The following ADAMTS18 variants were observed in gnomAD, a reference collection of about 807,000 sequenced individuals.
The protein encoded by ADAMTS18 is A disintegrin and metalloproteinase with thrombospondin motifs 18.
A neutral mutation model predicts 165.9 loss-of-function variants in ADAMTS18; 157 were observed. The ratio of observed to expected loss-of-function variants is 0.95; its 90% CI spans 0.83 to 1.08. The LOEUF is 1.08. ADAMTS18 is among the 50% of genes least tolerant of loss of function. The probability of loss-of-function intolerance (pLI) is 0.00; values close to 1 mark genes in which losing one functional copy is unlikely to be tolerated. For synonymous variants in ADAMTS18, 782 were observed against 578.2 expected (o/e 1.35, Z -5.06); for missense variants, 2,040 against 1,534.0 (o/e 1.33, Z -5.51).
In ADAMTS18 at chr16:77,324,344, T is replaced by C. The variant is rs546771170; in HGVS notation, c.2032+1522A>G. ...CATGCTTCCTACGAAATCACTCAGC[T>C]CCTGGTAGAATGCCTCTAGTGATGG... On this transcript the variant is annotated intron_variant, in intron 13 of 22. Coordinates refer to ENST00000282849, the MANE Select transcript of ADAMTS18 (RefSeq NM_199355.4). 1.5e-4 allele frequency among the ~76,000 whole-genome samples: 23 copies of C among 152,340 alleles called. No homozygotes were observed. In the South Asian group the frequency reaches 4.6e-3, roughly 30 times the overall value.
chr16:77,333,576 CA>C (rs1176524973), intron 12 of ADAMTS18, among the ~76,000 whole-genome samples: 3 of 150,434 alleles, frequency 2.0e-5, no homozygotes, highest in Non-Finnish European at 4.4e-5. Flanking sequence ...AAAGCCATCC[CA>C]AAAAAATCCC....
At chr16:77,288,372 C>T (rs1567452836) in intron 22 of ADAMTS18, among the ~76,000 whole-genome samples, 1 of 151,366 alleles carries the variant, frequency 6.6e-6, no homozygotes, top group Non-Finnish European at 1.5e-5. Context: ...CTAGGATGAT[C>T]TGGCTCTGAG....
At position 77,416,536 on chromosome 16, in the gene ADAMTS18, T is replaced by A. The variant is rs139671766; in HGVS notation, c.495+14759A>T. Among the ~76,000 whole-genome samples, 269 of 152,276 alleles carry A rather than the reference T, an allele frequency of 1.8e-3. 2 individuals are homozygous for A. The highest frequency in any genetic ancestry group is 6.4e-3 in the African/African-American group (264 of 41,556). ...ATGGTTTTATAAATGGGAGTTCCCCTGCACAAGCTCTCTTGCCTGCCACCA... is the reference window on the plus strand; with the variant it reads ...ATGGTTTTATAAATGGGAGTTCCCCAGCACAAGCTCTCTTGCCTGCCACCA... On this transcript the variant is annotated intron_variant, in intron 3 of 22. Coordinates refer to ENST00000282849, the MANE Select transcript of ADAMTS18 (RefSeq NM_199355.4).
At chr16:77,293,707 G>C (rs2055412518) in intron 19 of ADAMTS18, among the ~76,000 whole-genome samples, 1 of 150,358 alleles carries the variant, frequency 6.7e-6, no homozygotes, top group South Asian at 2.1e-4. Context: ...GTGCTTTGGG[G>C]ATAAAACTGT....
chr16:77,344,581 C>A (rs2056447997), intron 10 of ADAMTS18, among the ~76,000 whole-genome samples: 1 of 152,090 alleles, frequency 6.6e-6, no homozygotes, highest in Non-Finnish European at 1.5e-5. Flanking sequence ...TTTCTTCTTA[C>A]AGCCAGGAAA....
chr16:77,431,598 G>A lies in ADAMTS18; in HGVS notation c.192C>T (p.Val64=). Reference sequence around the variant, plus strand: ...CGGCTGAGTCTACTTCTACTGGCGTGACAAAGACGTAATCTGCAATGGGAA... The same window carrying A: ...CGGCTGAGTCTACTTCTACTGGCGTAACAAAGACGTAATCTGCAATGGGAA... The part of the protein sequence containing the change: ...ASGLNDDYVF[V]TPVEVDSAGS... The change falls in exon 3 of 23, where the codon GTC becomes GTT. Residue 64 remains valine, a synonymous_variant. Transcript: ENST00000282849. 6.2e-7 allele frequency: 1 copy of A among 1,614,008 alleles called. No homozygotes were observed. The highest frequency in any genetic ancestry group is 8.5e-7 in the Non-Finnish European group (1 of 1,179,970).
At chr16:77,312,181 A>G (rs2055794384) in intron 16 of ADAMTS18, among the ~76,000 whole-genome samples, 2 of 152,122 alleles carry the variant, frequency 1.3e-5, no homozygotes, top group African/African-American at 2.4e-5. Flanking sequence ...TCAATTCGAG[A>G]GAACTCTATC....
In ADAMTS18 at chr16:77,293,133, C is replaced by T. The variant is rs967174946; in HGVS notation, c.3132G>A (p.Val1044=). The T allele has an allele frequency of 5.0e-6, 8 of 1,614,064 alleles. No individual in the cohort carries two copies. Among genetic ancestry groups the T allele is most frequent in the Non-Finnish European group, 6.8e-6 (8 of 1,179,986 alleles). Residue 1044 remains valine, a synonymous_variant, in exon 20 of 23, where the codon GTG becomes GTA. Transcript: ENST00000282849. The stretch of plus-strand genomic sequence containing the variant: ...GGCTGTTCTTGGGGCATCGTCCAAG[C>T]ACACAGCCCTCCTGCAGCTCAGGTC... ...LPRPELQEGC[V]LGRCPKNSRL...
intron 15 of ADAMTS18, 142 bp downstream of exon 15, chr16:77,320,937 C>T: frequency 1.9e-6 from 2 of 1,051,064 alleles, no homozygotes; most frequent in South Asian, 2.6e-5. Flanking sequence ...ATCTCCCTTA[C>T]TCTTGCACAA....
In ADAMTS18 at chr16:77,368,198, G is replaced by T. The variant is rs560203103; in HGVS notation, c.496-475C>A. On this transcript the variant is annotated intron_variant, in intron 3 of 22. Coordinates refer to ENST00000282849, the MANE Select transcript of ADAMTS18 (RefSeq NM_199355.4). ...CCCATTTACAAAGGAGAAAATTGAAGCTAAGATAGTAAGTAGGAAAGCTAG... is the reference window on the plus strand; with the variant it reads ...CCCATTTACAAAGGAGAAAATTGAATCTAAGATAGTAAGTAGGAAAGCTAG... Among the ~76,000 whole-genome samples the T allele has an allele frequency of 5.3e-5, 8 of 152,238 alleles. No individual in the cohort carries two copies. The South Asian group carries it at 1.7e-3, about 32-fold the overall frequency.
At chr16:77,401,949 T>C (rs1417491918) in intron 3 of ADAMTS18, among the ~76,000 whole-genome samples, 3 of 152,176 alleles carry the variant, frequency 2.0e-5, no homozygotes, top group African/African-American at 4.8e-5. Flanking sequence ...GAGTAAGAGT[T>C]ACACCTTTGG....
chr16:77,314,183 A>G (rs1333821364), intron 16 of ADAMTS18, among the ~76,000 whole-genome samples: 1 of 152,208 alleles, frequency 6.6e-6, no homozygotes, highest in Non-Finnish European at 1.5e-5. Context: ...AGTTAGGAAG[A>G]TGATGGGAGT....
intron 18 of ADAMTS18, among the ~76,000 whole-genome samples, chr16:77,296,017 TGTATATATATATACACAC>T (rs1488376316): frequency 1.4e-5 from 2 of 147,530 alleles, no homozygotes; most frequent in Non-Finnish European, 3.0e-5. Context: ...AGTGTGTGTG[TGTATATATATATACACAC>T]ACATATACGC....
chr16:77,326,880 C>T (rs2056104645), intron 12 of ADAMTS18, among the ~76,000 whole-genome samples: 1 of 152,090 alleles, frequency 6.6e-6, no homozygotes, highest in South Asian at 2.1e-4. Context: ...TCCAACCCTC[C>T]ACTCTCAATC....
intron 3 of ADAMTS18, among the ~76,000 whole-genome samples, chr16:77,416,730 T>G (rs946153330): frequency 6.6e-6 from 1 of 152,118 alleles, no homozygotes; most frequent in East Asian, 1.9e-4. Flanking sequence ...CTATGCTCAA[T>G]GTAAAGCCAT....
At chr16:77,324,822 C>G (rs2056064613) in intron 13 of ADAMTS18, among the ~76,000 whole-genome samples, 1 of 152,190 alleles carries the variant, frequency 6.6e-6, no homozygotes, top group Non-Finnish European at 1.5e-5. Context: ...TAAGTCGTTT[C>G]TCATGTACAG....
intron 11 of ADAMTS18, among the ~76,000 whole-genome samples, chr16:77,338,208 C>G (rs2056341222): frequency 2.0e-5 from 3 of 152,160 alleles, no homozygotes; most frequent in Admixed American, 2.0e-4. Flanking sequence ...CTGGCTCCAT[C>G]TTTTCATACA....
intron 4 of ADAMTS18, among the ~76,000 whole-genome samples, chr16:77,364,772 C>G (rs537781433): frequency 1.5e-5 from 2 of 134,502 alleles, no homozygotes; most frequent in Non-Finnish European, 3.0e-5. Flanking sequence ...AAAAGGAAAG[C>G]AAAGGAAAGC....
chr16:77,298,820 A>T (rs1467029434), intron 17 of ADAMTS18, among the ~76,000 whole-genome samples: 1 of 152,174 alleles, frequency 6.6e-6, no homozygotes, highest in African/African-American at 2.4e-5. Flanking sequence ...CAAAAAATCA[A>T]CATTCCTTGA....
Sources: gnomAD v4.1 joint callset for allele counts (sites outside exome capture counted in the v4.1 genomes callset) on GRCh38, gnomAD v4.1.1 for gene constraint, MANE v1.5 for transcripts, NCBI Gene and HGNC (gene_info 2026-07-23, HGNC 2026-07-21) for gene names.